The following SCAI variants were observed in gnomAD, a reference collection of about 807,000 sequenced individuals.
SCAI encodes suppressor of cancer cell invasion, also known as protein SCAI.
Under a neutral mutation model 92.2 loss-of-function variants are expected in SCAI, and 24 were observed. The observed-to-expected ratio is 0.26, with a 90% CI of 0.19 to 0.37. The LOEUF is 0.37. Among genes scored for constraint, SCAI ranks in the 10% least tolerant of loss-of-function variants. SCAI has a pLI of 1.00. For missense variants in SCAI, 450 were observed against 736.2 expected (o/e 0.61, Z 4.50); for synonymous variants, 261 against 258.6 (o/e 1.01, Z -0.09).
At position 124,951,960 on chromosome 9, in the gene SCAI, A is replaced by G. The variant is rs1338850578; in HGVS notation, c.*847T>C. On this transcript the variant is annotated 3_prime_UTR_variant, in exon 18 of 18. Transcript: ENST00000336505. ...GAAGTCTCATAAATTTGAATGAGGC[A>G]AAAAATTAAAACTTTATGTCACAGA... 1 of 152,232 alleles carries G rather than the reference A, an allele frequency of 6.6e-6. No individual in the cohort carries two copies. Among genetic ancestry groups the G allele is most frequent in the African/African-American group, 2.4e-5 (1 of 41,464 alleles). The allele number at this position is 152,232 out of a possible 1,614,324, so 9.4% of individuals were successfully genotyped here.
intron 12 of SCAI, 86 bp downstream of exon 12, chr9:125,001,879 T>C: frequency 1.1e-6 from 1 of 891,644 alleles, no homozygotes; most frequent in Non-Finnish European, 1.8e-6. Context: ...AAGGCTGAGA[T>C]GGTCTGTGGG....
chr9:125,106,867 AT>A (rs3051151), intron 2 of SCAI, among the ~76,000 whole-genome samples: 100,095 of 135,582 alleles, frequency 0.74, 37,434 homozygotes, highest in Middle Eastern at 0.85. Flanking sequence ...TGCCTGGTTA[AT>A]TTTTTTTTTT....
chr9:125,143,430 C>A lies in SCAI; in HGVS notation c.8G>T (p.Arg3Ile). The change falls in exon 1 of 18, where the codon AGA becomes ATA. Residue 3 changes from arginine (R) to isoleucine (I), a missense_variant. By Grantham distance (97) the Arg-to-Ile change is moderately conservative (BLOSUM62 -3). Around this residue, in one of 3 missense-constraint regions of SCAI, gnomAD observed 70 missense variants for 66.3 expected, o/e 1.06. Transcript: ENST00000336505. MVRGARQPQQPRS... is the reference protein window; with the variant it reads MVIGARQPQQPRS... ...CGGCTGCTGGGGCTGCCGGGCTCCT[C>A]TGACCATCCGGCTCCTGCTCCGCCG... 1 of 1,396,280 alleles carries A rather than the reference C, an allele frequency of 7.2e-7. No homozygotes were observed. The highest frequency in any genetic ancestry group is 9.3e-7 in the Non-Finnish European group (1 of 1,073,308). The allele number at this position is 1,396,280 out of a possible 1,614,324, so 86.5% of individuals were successfully genotyped here. A position where few individuals can be genotyped will look rare whatever the true frequency, so the allele number is the denominator to read the frequency against.
chr9:125,021,033 A>C (rs959373654), intron 6 of SCAI, among the ~76,000 whole-genome samples: 1 of 152,208 alleles, frequency 6.6e-6, no homozygotes, highest in Admixed American at 6.5e-5. Flanking sequence ...GTTGTAAAAA[A>C]CTAGAGATAT....
At chr9:125,046,992 G>A (rs566826746) in intron 3 of SCAI, among the ~76,000 whole-genome samples, 119 of 152,168 alleles carry the variant, frequency 7.8e-4, no homozygotes, top group African/African-American at 2.7e-3. Flanking sequence ...AATCTATTCA[G>A]ATACCTTCCC....
chr9:125,100,042 G>C (rs1201234269), intron 2 of SCAI, among the ~76,000 whole-genome samples: 1 of 152,120 alleles, frequency 6.6e-6, no homozygotes, highest in Non-Finnish European at 1.5e-5. Context: ...AATTTATCTG[G>C]GCACACGCCC....
At chr9:125,129,234 A>G (rs545222416) in intron 2 of SCAI, among the ~76,000 whole-genome samples, 38 of 151,614 alleles carry the variant, frequency 2.5e-4, no homozygotes, top group African/African-American at 8.7e-4. Context: ...TGAGGTCAGG[A>G]GTTCCAGACC....
At chr9:125,023,487 T>C (rs1588158811) in intron 6 of SCAI, among the ~76,000 whole-genome samples, 1 of 152,210 alleles carries the variant, frequency 6.6e-6, no homozygotes, top group African/African-American at 2.4e-5. Flanking sequence ...ACTTGAAATA[T>C]GAATGACTTA....
In SCAI at chr9:125,132,783, A is replaced by G. The variant is rs549412333; in HGVS notation, c.98+9850T>C. On this transcript the variant is annotated intron_variant, in intron 2 of 17. Transcript: ENST00000336505. ...GGAGTTCAAGAGCAGCCTGACCAAC[A>G]TGGTGAAACCCCATCTCTACTAAAA... 8.5e-5 allele frequency among the ~76,000 whole-genome samples: 13 copies of G among 152,222 alleles called. No homozygotes were observed. The East Asian group carries it at 2.5e-3, about 30-fold the overall frequency.
intron 9 of SCAI, 75 bp from the exon 10 acceptor site, chr9:125,003,645 C>A: frequency 1.1e-6 from 1 of 872,258 alleles, no homozygotes; most frequent in Non-Finnish European, 1.9e-6. Context: ...TATCACGTTA[C>A]TAGTTGTGAC....
intron 14 of SCAI, among the ~76,000 whole-genome samples, chr9:124,986,493 T>C (rs985933439): frequency 3.8e-4 from 57 of 151,982 alleles, no homozygotes; most frequent in African/African-American, 1.4e-3. Flanking sequence ...AACAAAATGA[T>C]GGAAAATACA....
At chr9:125,122,680 G>A (rs1005501991) in intron 2 of SCAI, among the ~76,000 whole-genome samples, 2 of 151,786 alleles carry the variant, frequency 1.3e-5, no homozygotes, top group African/African-American at 2.4e-5. Context: ...CGAGGCGGGT[G>A]GATTGCTTGA....
At chr9:124,970,575 C>T (rs1294714746) in intron 17 of SCAI, among the ~76,000 whole-genome samples, 3 of 151,696 alleles carry the variant, frequency 2.0e-5, no homozygotes, top group Non-Finnish European at 2.9e-5. Flanking sequence ...AAAAAATTAG[C>T]CAGGTGTGGT....
intron 2 of SCAI, among the ~76,000 whole-genome samples, chr9:125,074,086 C>T (rs1048401508): frequency 1.8e-4 from 28 of 151,512 alleles, no homozygotes; most frequent in South Asian, 1.3e-3. Flanking sequence ...GGTGAAACCC[C>T]GTCTCTACTA....
At chr9:125,040,929 C>T (rs972156445) in intron 3 of SCAI, among the ~76,000 whole-genome samples, 3 of 152,098 alleles carry the variant, frequency 2.0e-5, no homozygotes, top group Non-Finnish European at 4.4e-5. Context: ...CCACCGCACC[C>T]GGCCTCCCTG....
At chr9:125,085,418 C>T (rs991726593) in intron 2 of SCAI, among the ~76,000 whole-genome samples, 3 of 152,050 alleles carry the variant, frequency 2.0e-5, no homozygotes, top group East Asian at 3.9e-4. Context: ...ACCCAAAGGG[C>T]GGGGACTGCA....
chr9:125,027,061 A>C (rs1832978331), intron 5 of SCAI, 151 bp from the exon 6 acceptor site: 3 of 464,688 alleles, frequency 6.5e-6, no homozygotes, highest in Non-Finnish European at 1.1e-5. Context: ...GACAATAATC[A>C]TATCACCCTT....
intron 2 of SCAI, among the ~76,000 whole-genome samples, chr9:125,118,112 A>C (rs1047798622): frequency 6.6e-6 from 1 of 152,218 alleles, no homozygotes; most frequent in African/African-American, 2.4e-5. Context: ...AAACAATTAA[A>C]AATTGATTTA....
chr9:125,001,904 C>T, intron 12 of SCAI, 61 bp downstream of exon 12: 3 of 1,225,998 alleles, frequency 2.4e-6, no homozygotes, highest in Non-Finnish European at 3.6e-6. Context: ...GGGCCATCGT[C>T]TTGTAGAAAA....
Sources: allele counts gnomAD v4.1 joint callset (sites outside exome capture counted in the v4.1 genomes callset), GRCh38; gene constraint gnomAD v4.1.1; regional missense constraint gnomAD v4.1.1; transcripts MANE v1.5; gene names NCBI Gene and HGNC (gene_info 2026-07-23, HGNC 2026-07-21).